The following SDK1 variants were observed in gnomAD, a reference collection of about 807,000 sequenced individuals.
SDK1 encodes protein sidekick-1.
SDK1 carries 157 observed loss-of-function variants against 245.5 expected under a neutral mutation model. The observed-to-expected ratio is 0.64, with a 90% confidence interval of 0.56 to 0.73. The LOEUF (loss-of-function observed/expected upper bound fraction) is 0.73, where lower values mean the gene tolerates loss of function less well. Ranked by LOEUF, SDK1 falls within the 30% of genes least tolerant of loss-of-function variation. SDK1 has a pLI of 0.00. For synonymous variants in SDK1, 1,647 were observed against 1,278.5 expected, an observed-to-expected ratio of 1.29 and a Z score of -6.15; for missense variants, 3,583 against 3,002.3, an observed-to-expected ratio of 1.19 and a Z score of -4.52.
intron 5 of SDK1, among the ~76,000 whole-genome samples, chr7:3,826,306 C>T (rs1048241815): frequency 2.6e-5 from 4 of 152,200 alleles, no homozygotes; most frequent in Non-Finnish European, 5.9e-5. Flanking sequence ...ATGAAGGTTC[C>T]GTTCCGTCTT....
chr7:3,460,538 C>T (rs548936748), intron 1 of SDK1, among the ~76,000 whole-genome samples: 22 of 152,282 alleles, frequency 1.4e-4, no homozygotes, highest in Admixed American at 6.5e-4. Context: ...ATTTATATGT[C>T]AGTGTGTCAT....
At chr7:3,826,302 G>T (rs760837479) in intron 5 of SDK1, among the ~76,000 whole-genome samples, 3 of 152,314 alleles carry the variant, frequency 2.0e-5, no homozygotes, top group Non-Finnish European at 4.4e-5. Flanking sequence ...AATCATGAAG[G>T]TTCCGTTCCG....
At chr7:3,364,727 T>C (rs2128561554) in intron 1 of SDK1, among the ~76,000 whole-genome samples, 1 of 152,300 alleles carries the variant, frequency 6.6e-6, no homozygotes, top group East Asian at 1.9e-4. Flanking sequence ...GCCCCTTTAT[T>C]TTCTTTTTCA....
At position 3,892,227 on chromosome 7, in the gene SDK1, C is replaced by G. The variant is rs6942897; in HGVS notation, c.848-58696C>G. 5.8e-3 allele frequency among the ~76,000 whole-genome samples: 885 copies of G among 152,324 alleles called. 11 individuals are homozygous for G. Among genetic ancestry groups the G allele is most frequent in the African/African-American group, 0.02 (842 of 41,564 alleles). ...TCTGTATTAGCTTTTGCTGCAGTAA[C>G]TAGCAATTCTCAAATCTCCATGGCT... On this transcript the variant is annotated intron_variant, in intron 5 of 44. Coordinates refer to ENST00000404826, the MANE Select transcript of SDK1 (RefSeq NM_152744.4).
At chr7:3,596,309 T>C (rs544513380) in intron 1 of SDK1, among the ~76,000 whole-genome samples, 37 of 152,228 alleles carry the variant, frequency 2.4e-4, no homozygotes, top group Middle Eastern at 3.4e-3. Context: ...AGCACAATAA[T>C]TGGTACAAGA....
chr7:3,758,203 G>A (rs377587888), intron 4 of SDK1, among the ~76,000 whole-genome samples: 22 of 152,314 alleles, frequency 1.4e-4, no homozygotes, highest in African/African-American at 5.1e-4. Flanking sequence ...TTGAGGCAAT[G>A]CAAATATCTG....
intron 5 of SDK1, among the ~76,000 whole-genome samples, chr7:3,870,788 T>C (rs1780936791): frequency 6.6e-6 from 1 of 152,224 alleles, no homozygotes; most frequent in African/African-American, 2.4e-5. Flanking sequence ...TTTCCACTAA[T>C]GTTTTTTGTC....
Position 3,655,049 on chromosome 7 carries a change from C to CTTTTTTTTTT in SDK1, c.713+12948_713+12957dup, listed in dbSNP as rs10663969. On this transcript the variant is annotated intron_variant, in intron 4 of 44. Transcript: ENST00000404826. Reference sequence around the variant, plus strand: ...AATGTGTTAGTTGAATCATAGCTTGCTTTTTTTTTTTTTGGCTCTTAAATC... The same window carrying CTTTTTTTTTT: ...AATGTGTTAGTTGAATCATAGCTTGCTTTTTTTTTTTTTTTTTTTTTTTGGCTCTTAAATC... Among the ~76,000 whole-genome samples, 6 of 144,306 alleles carry CTTTTTTTTTT rather than the reference C, an allele frequency of 4.2e-5. 2 individuals carry two copies. Among genetic ancestry groups the CTTTTTTTTTT allele is most frequent in the Non-Finnish European group, 6.1e-5 (4 of 65,862 alleles). 94.7% of individuals were successfully genotyped at this position (144,306 alleles called of 152,430 possible).
At chr7:3,927,234 T>C (rs975478033) in intron 5 of SDK1, among the ~76,000 whole-genome samples, 7 of 152,348 alleles carry the variant, frequency 4.6e-5, no homozygotes, top group African/African-American at 1.7e-4. Context: ...AGAATTCTTT[T>C]CTTAAAAAAG....
At position 3,968,252 on chromosome 7, in the gene SDK1, C is replaced by A. The variant is rs533923649; in HGVS notation, c.1546+818C>A. On this transcript the variant is annotated intron_variant, in intron 10 of 44. Coordinates refer to ENST00000404826, the MANE Select transcript of SDK1 (RefSeq NM_152744.4). ...GCTTCAGCCCACTGTGGGTTCAGTTCCTGGGAAGGCTGCCTTTGCAGTTCC... is the reference window on the plus strand; with the variant it reads ...GCTTCAGCCCACTGTGGGTTCAGTTACTGGGAAGGCTGCCTTTGCAGTTCC... 6.2e-4 allele frequency among the ~76,000 whole-genome samples: 94 copies of A among 152,340 alleles called. 1 individual carries two copies. The highest frequency in any genetic ancestry group is 2.2e-3 in the African/African-American group (90 of 41,588).
intron 1 of SDK1, among the ~76,000 whole-genome samples, chr7:3,344,571 C>A (rs1780443116): frequency 2.6e-5 from 4 of 152,158 alleles, no homozygotes; most frequent in Non-Finnish European, 5.9e-5. Context: ...GTGACAGTTG[C>A]TCTTGTTATC....
In SDK1 at chr7:3,961,573, C is replaced by G. The variant is rs1045277535; in HGVS notation, c.1235-1084C>G. The stretch of plus-strand genomic sequence containing the variant: ...CTAAGTGTAGATATGCCTCATGGAG[C>G]GAGGCAGCTTTTCCTGTATCCACAA... On this transcript the variant is annotated intron_variant, in intron 8 of 44. Transcript: ENST00000404826. 2.0e-5 allele frequency among the ~76,000 whole-genome samples: 3 copies of G among 151,882 alleles called. No homozygotes were observed. In the East Asian group the frequency reaches 5.8e-4, roughly 30 times the overall value.
intron 30 of SDK1, among the ~76,000 whole-genome samples, chr7:4,150,361 C>T (rs554747617): frequency 2.9e-3 from 438 of 152,268 alleles, no homozygotes; most frequent in Non-Finnish European, 5.5e-3. Flanking sequence ...CCCTCCATGT[C>T]GCAGGGCTCT....
chr7:4,062,969 T>A (rs1779632744), intron 19 of SDK1, among the ~76,000 whole-genome samples: 1 of 152,054 alleles, frequency 6.6e-6, no homozygotes, highest in Non-Finnish European at 1.5e-5. Context: ...TATGATAAAG[T>A]CTGTATATGA....
intron 4 of SDK1, among the ~76,000 whole-genome samples, chr7:3,781,936 G>A (rs1490361222): frequency 6.6e-6 from 1 of 152,160 alleles, no homozygotes; most frequent in African/African-American, 2.4e-5. Flanking sequence ...GTCAAGAGAT[G>A]ACACCTTTGT....
intron 1 of SDK1, among the ~76,000 whole-genome samples, chr7:3,339,139 C>T (rs1274462016): frequency 6.6e-6 from 1 of 151,724 alleles, no homozygotes; most frequent in Non-Finnish European, 1.5e-5. Context: ...TGAATTTAAA[C>T]AAGAGTGGCC....
At chr7:4,144,723 G>A (rs1030984496) in intron 28 of SDK1, among the ~76,000 whole-genome samples, 3 of 152,110 alleles carry the variant, frequency 2.0e-5, no homozygotes, top group African/African-American at 4.8e-5. Flanking sequence ...GCGTGGGGTC[G>A]CCCGGCAGCT....
At chr7:3,572,224 A>T (rs536438804) in intron 1 of SDK1, among the ~76,000 whole-genome samples, 1 of 152,124 alleles carries the variant, frequency 6.6e-6, no homozygotes, top group Admixed American at 6.5e-5. Context: ...TCTTTTTAAA[A>T]TTTTTTTGGT....
At chr7:3,317,551 C>G (rs4722673) in intron 1 of SDK1, among the ~76,000 whole-genome samples, 84,978 of 151,390 alleles carry the variant, frequency 0.56, 23,987 homozygotes, top group African/African-American at 0.63. Context: ...GCCAGGAGGG[C>G]GCTTCCTTCT....
Sources: gnomAD v4.1 joint callset for allele counts (sites outside exome capture counted in the v4.1 genomes callset) on GRCh38, gnomAD v4.1.1 for gene constraint, MANE v1.5 for transcripts, NCBI Gene and HGNC (gene_info 2026-07-23, HGNC 2026-07-21) for gene names.